SMIM41: variants seen among roughly 807,000 people sequenced by gnomAD.
SMIM41 encodes the protein small integral membrane protein 41.
intron 2 of SMIM41, among the ~76,000 whole-genome samples, chr12:52,105,017 A>T (rs1167196127): frequency 6.6e-6 from 1 of 152,248 alleles, no homozygotes; most frequent in Non-Finnish European, 1.5e-5. Flanking sequence ...TATAACTTGT[A>T]CCAGATCATG....
chr12:52,105,339 C>T (rs373752276), intron 2 of SMIM41, among the ~76,000 whole-genome samples: 19 of 152,218 alleles, frequency 1.2e-4, no homozygotes, highest in Non-Finnish European at 2.5e-4. Flanking sequence ...TTACAGCTCT[C>T]GACTTCCTCA....
intron 2 of SMIM41, among the ~76,000 whole-genome samples, chr12:52,103,048 C>T (rs534396856): frequency 3.9e-5 from 6 of 152,028 alleles, no homozygotes; most frequent in East Asian, 3.9e-4. Context: ...CACTTCTGGC[C>T]GGTGCGGTGG....
intron 2 of SMIM41, among the ~76,000 whole-genome samples, chr12:52,100,622 ATTTTTTTT>A (rs1173057236): frequency 7.2e-5 from 8 of 111,128 alleles, no homozygotes; most frequent in African/African-American, 1.7e-4. Context: ...GCGCCCAGCT[ATTTTTTTT>A]TTTTTTTTTT....
At chr12:52,092,948 G>A (rs113732413) in intron 2 of SMIM41, among the ~76,000 whole-genome samples, 3,565 of 152,278 alleles carry the variant, frequency 0.023, 62 homozygotes, top group South Asian at 0.073. Context: ...TTGGTAGGTC[G>A]AGGCGGGCAG....
intron 2 of SMIM41, among the ~76,000 whole-genome samples, chr12:52,086,314 C>A (rs1259215573): frequency 6.6e-6 from 1 of 152,028 alleles, no homozygotes; most frequent in African/African-American, 2.4e-5. Flanking sequence ...ACCACCACTA[C>A]CCCTCAGGCT....
intron 2 of SMIM41, among the ~76,000 whole-genome samples, chr12:52,100,651 T>C (rs1253053939): frequency 1.3e-5 from 2 of 150,732 alleles, no homozygotes; most frequent in Non-Finnish European, 3.0e-5. Flanking sequence ...TTTTGTATTT[T>C]TAGTAGAGAC....
At chr12:52,094,575 C>G (rs1239778132) in intron 2 of SMIM41, 1 of 152,350 alleles carries the variant, frequency 6.6e-6, no homozygotes, top group Non-Finnish European at 1.5e-5. Flanking sequence ...ATCCAGGTAA[C>G]CTGCGCCTCT....
chr12:52,090,222 C>T (rs552551554), intron 2 of SMIM41, among the ~76,000 whole-genome samples: 1 of 152,220 alleles, frequency 6.6e-6, no homozygotes, highest in South Asian at 2.1e-4. Context: ...AGGCACGCAA[C>T]CACCACACCT....
At chr12:52,106,621 C>T (rs1313844823) in intron 2 of SMIM41, among the ~76,000 whole-genome samples, 1 of 152,178 alleles carries the variant, frequency 6.6e-6, no homozygotes, top group Admixed American at 6.5e-5. Flanking sequence ...GGATTACAGG[C>T]GTGAGCCACC....
rs532917943 is a variant in SMIM41, at chr12:52,094,947, GT to G, written c.*195+10995del. ...GCCCACCCCTACACCCCTGCCCCCTGTTTTTTTTTTTTTTTTGAGATGGAAT... is the reference window on the plus strand; with the variant it reads ...GCCCACCCCTACACCCCTGCCCCCTGTTTTTTTTTTTTTTTGAGATGGAAT... On this transcript the variant is annotated intron_variant, in intron 2 of 2. Transcript: ENST00000546390. 3.4e-3 allele frequency: 452 copies of G among 132,170 alleles called. 2 individuals carry two copies. Among genetic ancestry groups the G allele is most frequent in the East Asian group, 9.5e-3 (45 of 4,748 alleles). The allele number at this position is 132,170 out of a possible 1,614,324, so 8.2% of individuals were successfully genotyped here.
At chr12:52,097,353 C>CG (rs1345129004) in intron 2 of SMIM41, among the ~76,000 whole-genome samples, 3 of 151,918 alleles carry the variant, frequency 2.0e-5, no homozygotes, top group Non-Finnish European at 2.9e-5. Flanking sequence ...ATATCACCCC[C>CG]CCCCGGATAT....
Position 52,080,151 on chromosome 12 carries a change from C to T in SMIM41, c.*90C>T. On this transcript the variant is annotated 3_prime_UTR_variant, in exon 1 of 3. Coordinates refer to ENST00000546390, the MANE Select transcript of SMIM41 (RefSeq NM_001369216.1). Reference sequence around the variant, plus strand: ...TGCCCGACGGCTGCTGCGGTCCCGACCCCTTACCCGAAGCGGCGCGCCCCA... The same window carrying T: ...TGCCCGACGGCTGCTGCGGTCCCGATCCCTTACCCGAAGCGGCGCGCCCCA... 1 of 339,746 alleles carries T rather than the reference C, an allele frequency of 2.9e-6. No individual in the cohort carries two copies. The highest frequency in any genetic ancestry group is 5.3e-6 in the Non-Finnish European group (1 of 188,224). 21.0% of individuals were successfully genotyped at this position (339,746 alleles called of 1,614,324 possible).
intron 2 of SMIM41, among the ~76,000 whole-genome samples, chr12:52,085,522 A>G (rs1391277532): frequency 1.3e-5 from 2 of 152,082 alleles, no homozygotes; most frequent in Non-Finnish European, 2.9e-5. Context: ...GTGAGTGTTG[A>G]TGGTGTGCGT....
At chr12:52,097,714 A>G (rs1348222916) in intron 2 of SMIM41, among the ~76,000 whole-genome samples, 3 of 152,008 alleles carry the variant, frequency 2.0e-5, no homozygotes, top group Non-Finnish European at 4.4e-5. Flanking sequence ...GAGTCATATG[A>G]TACTTGCCGT....
chr12:52,090,303 G>C (rs1434665178), intron 2 of SMIM41, among the ~76,000 whole-genome samples: 3 of 152,018 alleles, frequency 2.0e-5, no homozygotes, highest in Non-Finnish European at 4.4e-5. Flanking sequence ...GGCTGGTCTC[G>C]AACTCCTGAA....
intron 2 of SMIM41, among the ~76,000 whole-genome samples, chr12:52,102,703 TAA>T (rs1366956832): frequency 6.6e-6 from 1 of 152,268 alleles, no homozygotes; most frequent in East Asian, 1.9e-4. Flanking sequence ...ATGGATATGA[TAA>T]ACAAGCATTG....
At chr12:52,090,407 C>T (rs1003688586) in intron 2 of SMIM41, among the ~76,000 whole-genome samples, 1 of 150,354 alleles carries the variant, frequency 6.7e-6, no homozygotes, top group African/African-American at 2.5e-5. Flanking sequence ...AGAGCAAAGA[C>T]CTGAATGAGA....
At chr12:52,090,055 T>G (rs1187278947) in intron 2 of SMIM41, among the ~76,000 whole-genome samples, 5 of 142,116 alleles carry the variant, frequency 3.5e-5, no homozygotes, top group Admixed American at 3.4e-4. Context: ...GCCAAGAAGG[T>G]GTTGTTTGTT....
At position 52,081,095 on chromosome 12, in the gene SMIM41, T is replaced by G. The variant is rs896949323; in HGVS notation, c.*120+914T>G. ...AGCCATCTGGAGGGAAGGGCCTGGATGGCCTGAGGACAAGGTAACTACAGG... is the reference window on the plus strand; with the variant it reads ...AGCCATCTGGAGGGAAGGGCCTGGAGGGCCTGAGGACAAGGTAACTACAGG... On this transcript the variant is annotated intron_variant, in intron 1 of 2. Coordinates refer to ENST00000546390, the MANE Select transcript of SMIM41 (RefSeq NM_001369216.1). This position sits in a 1 kb window ranked among gnomAD's most constrained non-coding sequence, Gnocchi z 4.1. Among the ~76,000 whole-genome samples, 1 of 152,118 alleles carries G rather than the reference T, an allele frequency of 6.6e-6. No individual in the cohort carries two copies. Among genetic ancestry groups the G allele is most frequent in the Non-Finnish European group, 1.5e-5 (1 of 67,990 alleles).
Sources: gnomAD v4.1 joint callset for allele counts (sites outside exome capture counted in the v4.1 genomes callset) on GRCh38, gnomAD v4.1.1 for gene constraint, Gnocchi (gnomAD v3.1) non-coding constraint, MANE v1.5 for transcripts, NCBI Gene and HGNC (gene_info 2026-07-23, HGNC 2026-07-21) for gene names.